Variants in IMMP2L observed in about 807,000 individuals in gnomAD.
IMMP2L encodes mitochondrial inner membrane protease subunit 2.
A neutral mutation model predicts 19.3 loss-of-function variants in IMMP2L; 18 were observed. That is an observed-to-expected ratio of 0.93 (90% CI 0.64 to 1.38). IMMP2L has a LOEUF of 1.38. Among genes scored for constraint, IMMP2L ranks in the 40% most tolerant of loss-of-function variants. The pLI is 0.00. For missense variants in IMMP2L, 233 were observed against 218.2 expected (o/e 1.07, Z -0.43); for synonymous variants, 76 against 73.0 (o/e 1.04, Z -0.21).
chr7:110,724,173 ATAAT>A (rs1176077849), intron 5 of IMMP2L: 1 of 152,184 alleles, frequency 6.6e-6, no homozygotes, highest in Non-Finnish European at 1.5e-5. Flanking sequence ...TTAAGCACGG[ATAAT>A]TAATATTTCA....
At chr7:110,968,704 C>T (rs780779513) in intron 3 of IMMP2L, among the ~76,000 whole-genome samples, 2 of 152,038 alleles carry the variant, frequency 1.3e-5, no homozygotes, top group African/African-American at 2.4e-5. Context: ...GAGAAGCAGA[C>T]GATTTGCCAC....
chr7:111,070,065 A>C (rs192376758), intron 3 of IMMP2L, among the ~76,000 whole-genome samples: 2 of 152,338 alleles, frequency 1.3e-5, no homozygotes, highest in East Asian at 3.9e-4. Context: ...GGTTGGAAGG[A>C]AAACAGTTTT....
At chr7:111,047,181 T>C (rs1192773467) in intron 3 of IMMP2L, among the ~76,000 whole-genome samples, 2 of 143,678 alleles carry the variant, frequency 1.4e-5, no homozygotes, top group East Asian at 2.0e-4. Flanking sequence ...TTTTGTTTTT[T>C]TTTTGTTTTT....
intron 4 of IMMP2L, among the ~76,000 whole-genome samples, chr7:110,933,327 G>A (rs999372352): frequency 6.6e-6 from 1 of 152,084 alleles, no homozygotes; most frequent in Non-Finnish European, 1.5e-5. Flanking sequence ...AACTACCCCA[G>A]GCAGATATAA....
chr7:111,172,098 T>C (rs1267728864), intron 3 of IMMP2L, among the ~76,000 whole-genome samples: 1 of 151,478 alleles, frequency 6.6e-6, no homozygotes, highest in East Asian at 1.9e-4. Flanking sequence ...AATCTATGTA[T>C]AGTCAAGACT....
intron 5 of IMMP2L, among the ~76,000 whole-genome samples, chr7:110,672,365 T>A (rs923775165): frequency 2.0e-5 from 3 of 152,050 alleles, no homozygotes; most frequent in Admixed American, 2.0e-4. Context: ...CATGTGGGGA[T>A]TGTGGGAATT....
intron 5 of IMMP2L, among the ~76,000 whole-genome samples, chr7:110,731,570 G>A (rs1408147065): frequency 6.6e-6 from 1 of 152,102 alleles, no homozygotes; most frequent in Non-Finnish European, 1.5e-5. Context: ...CACTATACAC[G>A]CAATGGTCCT....
intron 3 of IMMP2L, among the ~76,000 whole-genome samples, chr7:111,028,336 T>C (rs1019981599): frequency 1.3e-5 from 2 of 152,058 alleles, no homozygotes; most frequent in African/African-American, 4.8e-5. Flanking sequence ...GCAAATACTG[T>C]ATATTGTTTG....
intron 3 of IMMP2L, among the ~76,000 whole-genome samples, chr7:111,200,626 T>C (rs558352383): frequency 2.8e-4 from 42 of 152,094 alleles, no homozygotes; most frequent in Admixed American, 1.8e-3. Context: ...CAGACACATA[T>C]ACCATTATAA....
intron 1 of IMMP2L, among the ~76,000 whole-genome samples, chr7:111,543,121 GA>G (rs1225900122): frequency 1.7e-4 from 26 of 151,964 alleles, no homozygotes; most frequent in Non-Finnish European, 1.8e-4. Flanking sequence ...CTTAATACTA[GA>G]AAAACATTTT....
chr7:110,972,687 C>T (rs1422327253), intron 3 of IMMP2L, among the ~76,000 whole-genome samples: 3 of 151,972 alleles, frequency 2.0e-5, no homozygotes, highest in Non-Finnish European at 2.9e-5. Flanking sequence ...CTTCCAAGGA[C>T]GAACAGAAGT....
chr7:110,678,250 G>A (rs1338977696), intron 5 of IMMP2L, among the ~76,000 whole-genome samples: 1 of 151,986 alleles, frequency 6.6e-6, no homozygotes, highest in Non-Finnish European at 1.5e-5. Context: ...CATACTTCTG[G>A]CTGCAGAAAT....
chr7:111,441,848 C>G (rs143556988), intron 3 of IMMP2L, among the ~76,000 whole-genome samples: 84 of 151,842 alleles, frequency 5.5e-4, no homozygotes, highest in Admixed American at 4.5e-3. Context: ...ATGAAAAGCT[C>G]TGCAAGTAGT....
intron 5 of IMMP2L, chr7:110,724,709 T>C (rs1341126770): frequency 6.6e-6 from 1 of 152,056 alleles, no homozygotes; most frequent in Non-Finnish European, 1.5e-5. Context: ...GTTTTGTAAA[T>C]TTGTTTTTAT....
At chr7:111,189,337 G>C (rs558737918) in intron 3 of IMMP2L, among the ~76,000 whole-genome samples, 2 of 146,706 alleles carry the variant, frequency 1.4e-5, no homozygotes, top group African/African-American at 5.1e-5. Flanking sequence ...ACTATTAAAA[G>C]ACATCAGTGC....
chr7:110,675,839 T>C (rs1792258975), intron 5 of IMMP2L, among the ~76,000 whole-genome samples: 1 of 152,198 alleles, frequency 6.6e-6, no homozygotes. Flanking sequence ...GGGTTATTAA[T>C]AATTAAACTG....
At chr7:110,819,498 A>C (rs540061700) in intron 5 of IMMP2L, among the ~76,000 whole-genome samples, 1 of 152,070 alleles carries the variant, frequency 6.6e-6, no homozygotes, top group African/African-American at 2.4e-5. Context: ...AAGTGATCCC[A>C]TAAGTGTGCT....
At chr7:110,792,765 C>T (rs2131158281) in intron 5 of IMMP2L, among the ~76,000 whole-genome samples, 1 of 152,134 alleles carries the variant, frequency 6.6e-6, no homozygotes, top group East Asian at 1.9e-4. Flanking sequence ...GACACACATA[C>T]AATGAATGAC....
chr7:110,957,137 G>T (rs2129554832), intron 4 of IMMP2L, among the ~76,000 whole-genome samples: 1 of 151,940 alleles, frequency 6.6e-6, no homozygotes, highest in Non-Finnish European at 1.5e-5. Context: ...TCAAGCAATT[G>T]CCTTGTGATT....
Sources: gnomAD v4.1 joint callset for allele counts (sites outside exome capture counted in the v4.1 genomes callset) on GRCh38, gnomAD v4.1.1 for gene constraint, MANE v1.5 for transcripts, NCBI Gene and HGNC (gene_info 2026-07-23, HGNC 2026-07-21) for gene names.